Variants in VEPH1 observed in about 807,000 individuals in gnomAD.
VEPH1 encodes ventricular zone-expressed PH domain-containing protein homolog 1.
Under a neutral mutation model 85.2 loss-of-function variants are expected in VEPH1, and 80 were observed. The observed-to-expected ratio is 0.94, with a 90% CI of 0.78 to 1.13. The LOEUF is 1.13. VEPH1 is among the 50% of genes most tolerant of loss of function. The probability of loss-of-function intolerance (pLI) is 0.00; values close to 1 mark genes in which losing one functional copy is unlikely to be tolerated. For synonymous variants in VEPH1, 297 were observed against 348.0 expected (o/e 0.85, Z 1.63); for missense variants, 955 against 980.5 (o/e 0.97, Z 0.35).
rs911474829 is a variant in VEPH1 at position 157,464,056 on chromosome 3, T to C, written c.355-3701A>G. On this transcript the variant is annotated intron_variant, in intron 3 of 13. Transcript: ENST00000362010. ...ATTGAGCATCCTCTTTTTGTTAACATACTGATCAAACATGTGGTGTTTAGA... is the reference window on the plus strand; with the variant it reads ...ATTGAGCATCCTCTTTTTGTTAACACACTGATCAAACATGTGGTGTTTAGA... 2.6e-5 allele frequency among the ~76,000 whole-genome samples: 4 copies of C among 152,210 alleles called. No individual in the cohort carries two copies. In the East Asian group the frequency reaches 7.7e-4, roughly 29 times the overall value.
intron 11 of VEPH1, among the ~76,000 whole-genome samples, chr3:157,295,603 G>GGTGAAGTAATA (rs1553759416): frequency 6.6e-6 from 1 of 151,882 alleles, no homozygotes; most frequent in Non-Finnish European, 1.5e-5. Flanking sequence ...GCAGAGAGCT[G>GGTGAAGTAATA]GTGTTGGAGG....
chr3:157,405,817 T>G (rs530265061), intron 6 of VEPH1, among the ~76,000 whole-genome samples: 15 of 152,326 alleles, frequency 9.8e-5, no homozygotes, highest in Admixed American at 6.5e-4. Context: ...ATTATCTGTC[T>G]TTACATCTTC....
intron 9 of VEPH1, among the ~76,000 whole-genome samples, chr3:157,357,079 A>G (rs2108745183): frequency 6.6e-6 from 1 of 152,366 alleles, no homozygotes; most frequent in Non-Finnish European, 1.5e-5. Flanking sequence ...AATATGCCAC[A>G]GAAAACAACT....
chr3:157,465,126 G>A (rs1736243967), intron 3 of VEPH1, among the ~76,000 whole-genome samples: 1 of 152,156 alleles, frequency 6.6e-6, no homozygotes, highest in South Asian at 2.1e-4. Context: ...CTATTCTGGA[G>A]AGAAATGTAG....
intron 6 of VEPH1, chr3:157,413,448 T>TTACTGATGGTCTCCTG (rs1731672029): frequency 1.0e-6 from 1 of 985,152 alleles, no homozygotes; most frequent in Non-Finnish European, 1.2e-6. Context: ...AATTCTGTGC[T>TTACTGATGGTCTCCTG]TACTGATGGT....
rs764491139 is a variant in VEPH1 at position 157,317,219 on chromosome 3, T to C, written c.1736-18A>G. On this transcript the variant is annotated intron_variant, in intron 9 of 13. Coordinates refer to ENST00000362010, the MANE Select transcript of VEPH1 (RefSeq NM_001167912.2). ...CACAGTGTCTAGAAACAAATACATA[T>C]AGCGTTAAACGTTATGGTCTTTCCA... The C allele has an allele frequency of 8.1e-6, 13 of 1,604,260 alleles. No individual in the cohort carries two copies. The highest frequency in any genetic ancestry group is 1.7e-4 in the Middle Eastern group (1 of 6,050).
chr3:157,328,797 G>A (rs1259604162), intron 9 of VEPH1, among the ~76,000 whole-genome samples: 3 of 152,144 alleles, frequency 2.0e-5, no homozygotes, highest in Admixed American at 2.0e-4. Context: ...GATAAAAAAA[G>A]CTAACATTAA....
At chr3:157,280,088 C>A (rs1715906055) in intron 12 of VEPH1, among the ~76,000 whole-genome samples, 1 of 147,412 alleles carries the variant, frequency 6.8e-6, no homozygotes, top group South Asian at 2.2e-4. Context: ...GGCTGATAAA[C>A]AAATTTCATT....
rs373214394 is a variant in VEPH1, at chr3:157,261,356, G to A, written c.2280C>T (p.Asp760=). ...FQKGKSKDDP[D]DCPIELSKVQ... ...CTTTGCTGAGTTCTATTGGGCAGTC[G>A]TCAGGGTCATCTTTCTGAAAGGCAT... is the stretch of plus-strand genomic sequence containing the variant. Residue 760 remains aspartate, a synonymous_variant, in exon 14 of 14, where the codon GAC becomes GAT. Transcript: ENST00000362010. The A allele has an allele frequency of 6.5e-5, 105 of 1,613,308 alleles. 1 individual carries two copies. The highest frequency in any genetic ancestry group is 1.3e-4 in the East Asian group (6 of 44,874).
At chr3:157,459,177 G>A (rs1342401758) in intron 4 of VEPH1, among the ~76,000 whole-genome samples, 3 of 152,324 alleles carry the variant, frequency 2.0e-5, no homozygotes, top group African/African-American at 7.2e-5. Context: ...TCACTGGCAG[G>A]GCAGCACGGA....
chr3:157,424,241 G>T (rs1177865761), intron 5 of VEPH1, among the ~76,000 whole-genome samples: 1 of 152,192 alleles, frequency 6.6e-6, no homozygotes, highest in Admixed American at 6.5e-5. Context: ...CACCATGTAA[G>T]AAGTGCCTTT....
intron 11 of VEPH1, among the ~76,000 whole-genome samples, chr3:157,296,058 T>C (rs987174052): frequency 6.6e-6 from 1 of 152,210 alleles, no homozygotes; most frequent in African/African-American, 2.4e-5. Context: ...AACAGATATA[T>C]TTAAAAAACA....
At chr3:157,421,421 T>C (rs1473906172) in intron 5 of VEPH1, among the ~76,000 whole-genome samples, 2 of 152,216 alleles carry the variant, frequency 1.3e-5, no homozygotes, top group Admixed American at 1.3e-4. Flanking sequence ...TCAGGAATGC[T>C]TTAATGCAGG....
At chr3:157,321,710 T>C (rs1386671305) in intron 9 of VEPH1, among the ~76,000 whole-genome samples, 1 of 152,172 alleles carries the variant, frequency 6.6e-6, no homozygotes, top group Non-Finnish European at 1.5e-5. Flanking sequence ...AGATTGTGTT[T>C]CTTTTCCTCT....
At chr3:157,437,557 C>T (rs762571322) in intron 4 of VEPH1, 2 of 1,602,936 alleles carry the variant, frequency 1.2e-6, no homozygotes, top group Non-Finnish European at 1.7e-6. Context: ...ATGGGACAAG[C>T]TCTTCATCAT....
chr3:157,387,034 A>C (rs1444910422), intron 6 of VEPH1, among the ~76,000 whole-genome samples: 1 of 152,240 alleles, frequency 6.6e-6, no homozygotes, highest in East Asian at 1.9e-4. Context: ...AAATATTTCC[A>C]GTTTAGTGGG....
chr3:157,451,810 C>T (rs1472719407), intron 4 of VEPH1, among the ~76,000 whole-genome samples: 2 of 152,092 alleles, frequency 1.3e-5, no homozygotes, highest in Non-Finnish European at 2.9e-5. Flanking sequence ...TGGCTCTGCT[C>T]ATAAAATTTA....
chr3:157,477,804 A>C (rs1737629776), intron 2 of VEPH1, among the ~76,000 whole-genome samples: 1 of 152,188 alleles, frequency 6.6e-6, no homozygotes, highest in African/African-American at 2.4e-5. Context: ...TGACAGCAAC[A>C]GAAGCTAATG....
At chr3:157,404,465 T>G (rs1227342744) in intron 6 of VEPH1, among the ~76,000 whole-genome samples, 1 of 152,152 alleles carries the variant, frequency 6.6e-6, no homozygotes, top group Non-Finnish European at 1.5e-5. Flanking sequence ...TGTCTTGGAT[T>G]GGGGTTTCCA....
Sources: allele counts gnomAD v4.1 joint callset (sites outside exome capture counted in the v4.1 genomes callset), GRCh38; gene constraint gnomAD v4.1.1; transcripts MANE v1.5; gene names NCBI Gene and HGNC (gene_info 2026-07-23, HGNC 2026-07-21).